The following FYN variants were observed in gnomAD, a reference collection of about 807,000 sequenced individuals.
FYN encodes tyrosine-protein kinase Fyn.
In FYN, 10 loss-of-function variants were observed where a neutral mutation model predicts 70.2. The observed-to-expected ratio is 0.14, with a 90% CI of 0.09 to 0.24. The LOEUF (loss-of-function observed/expected upper bound fraction) is 0.24, where lower values mean the gene tolerates loss of function less well. Ranked by LOEUF, FYN falls within the 10% of genes least tolerant of loss-of-function variation. The pLI is 1.00. For missense variants in FYN, 319 were observed against 673.1 expected, an observed-to-expected ratio of 0.47 and a Z score of 5.82; for synonymous variants, 236 against 248.6, an observed-to-expected ratio of 0.95 and a Z score of 0.48.
Position 111,694,285 on chromosome 6 carries a change from G to C in FYN, c.1273+90C>G. The stretch of plus-strand genomic sequence containing the variant: ...AATGACATTTCAAGTATTTTCTGAA[G>C]GAAGGGAAGGGAAGGAGGAAGGAAG... On this transcript the variant is annotated intron_variant, in intron 12 of 13. Transcript: ENST00000354650. This position sits in a 1 kb window ranked among gnomAD's most constrained non-coding sequence, Gnocchi z 5.0. The C allele has an allele frequency of 2.0e-6, 3 of 1,471,306 alleles. No homozygotes were observed. Among genetic ancestry groups the C allele is most frequent in the Non-Finnish European group, 2.8e-6 (3 of 1,070,144 alleles). 91.1% of individuals were successfully genotyped at this position (1,471,306 alleles called of 1,614,324 possible).
At chr6:111,848,790 T>C (rs1198057925) in intron 1 of FYN, among the ~76,000 whole-genome samples, 1 of 152,336 alleles carries the variant, frequency 6.6e-6, no homozygotes, top group African/African-American at 2.4e-5. Flanking sequence ...TTCTGAAAAG[T>C]TGAGAAAAAG....
Position 111,693,375 on chromosome 6 carries a change from T to C in FYN, c.1273+1000A>G, listed in dbSNP as rs76508086. ...AGGCTTTGGTTAGAAACACCAACAA[T>C]GAAAGTTCCCCCTTGCCCCAGCTAT... On this transcript the variant is annotated intron_variant, in intron 12 of 13. Transcript: ENST00000354650. 3.1e-3 allele frequency among the ~76,000 whole-genome samples: 473 copies of C among 152,178 alleles called. 1 individual carries two copies. The highest frequency in any genetic ancestry group is 0.011 in the African/African-American group (450 of 41,516).
intron 2 of FYN, among the ~76,000 whole-genome samples, chr6:111,807,832 G>A (rs1440454441): frequency 2.0e-5 from 3 of 152,236 alleles, no homozygotes; most frequent in South Asian, 4.1e-4. Context: ...GGTCAGGGCC[G>A]GATGTGGTGG....
At position 111,778,115 on chromosome 6, in the gene FYN, A is replaced by G. The variant is rs181683225; in HGVS notation, c.-12+2451T>C. On this transcript the variant is annotated intron_variant, in intron 3 of 13. Transcript: ENST00000354650. ...GCCAGACCTGTGGGGCAGCGTGTCTAATGCTGGCCTAGGTGCACAGGAGAG... is the reference window on the plus strand; with the variant it reads ...GCCAGACCTGTGGGGCAGCGTGTCTGATGCTGGCCTAGGTGCACAGGAGAG... 2.6e-5 allele frequency among the ~76,000 whole-genome samples: 4 copies of G among 152,306 alleles called. No homozygotes were observed. The East Asian group carries it at 7.7e-4, about 29-fold the overall frequency.
chr6:111,771,863 G>C (rs1803465891), intron 3 of FYN, among the ~76,000 whole-genome samples: 1 of 152,154 alleles, frequency 6.6e-6, no homozygotes, highest in Non-Finnish European at 1.5e-5. Context: ...TCTCCTGGCT[G>C]ACTTTCCTTG....
chr6:111,847,660 C>T (rs936852324), intron 1 of FYN, among the ~76,000 whole-genome samples: 5 of 152,090 alleles, frequency 3.3e-5, no homozygotes, highest in African/African-American at 7.2e-5. Flanking sequence ...AAACCATCCC[C>T]CACCACACAC....
chr6:111,812,604 CTTTTTTTTT>C (rs369326017), intron 2 of FYN, among the ~76,000 whole-genome samples: 9 of 101,284 alleles, frequency 8.9e-5, no homozygotes, highest in South Asian at 3.6e-4. Context: ...AGAAATTTTC[CTTTTTTTTT>C]TTTTTTTTTT....
In FYN at chr6:111,871,436, G is replaced by A. The variant is rs554625712; in HGVS notation, c.-123+1532C>T. On this transcript the variant is annotated intron_variant, in intron 1 of 13. Transcript: ENST00000354650. The stretch of plus-strand genomic sequence containing the variant: ...TTGGGTGGTGAGAAAGGAAGTAGGC[G>A]TCCCAAGACTACCTTGAAGCAGGCA... 2.6e-5 allele frequency among the ~76,000 whole-genome samples: 4 copies of A among 152,306 alleles called. No individual in the cohort carries two copies. The South Asian group carries it at 6.2e-4, about 24-fold the overall frequency.
chr6:111,773,844 C>T (rs556398992), intron 3 of FYN, among the ~76,000 whole-genome samples: 1 of 152,234 alleles, frequency 6.6e-6, no homozygotes, highest in East Asian at 1.9e-4. Context: ...ATTGTGTGCT[C>T]ATCAAACTGA....
chr6:111,740,541 C>A (rs1477805295), intron 3 of FYN, among the ~76,000 whole-genome samples: 2 of 152,186 alleles, frequency 1.3e-5, no homozygotes, highest in Non-Finnish European at 2.9e-5. Flanking sequence ...CTATGACAGT[C>A]AGAGTCATCT....
At position 111,765,507 on chromosome 6, in the gene FYN, T is replaced by C. The variant is rs562988247; in HGVS notation, c.-12+15059A>G. 2.6e-5 allele frequency among the ~76,000 whole-genome samples: 4 copies of C among 152,294 alleles called. No homozygotes were observed. In the South Asian group the frequency reaches 8.3e-4, roughly 32 times the overall value. On this transcript the variant is annotated intron_variant, in intron 3 of 13. Coordinates refer to ENST00000354650, the MANE Select transcript of FYN (RefSeq NM_002037.5). ...ACTTGGACTTTCAGTCTCCAGACTA[T>C]GAGAAAATATGATTCTGTTGTTGAA...
intron 3 of FYN, among the ~76,000 whole-genome samples, chr6:111,740,434 G>A (rs1160219226): frequency 6.6e-6 from 1 of 152,182 alleles, no homozygotes; most frequent in Non-Finnish European, 1.5e-5. Flanking sequence ...AATCCTGAAA[G>A]ATATTAATGA....
intron 12 of FYN, among the ~76,000 whole-genome samples, chr6:111,684,779 G>C (rs1798921419): frequency 6.6e-6 from 1 of 152,146 alleles, no homozygotes; most frequent in Admixed American, 6.5e-5. Flanking sequence ...TGGGTATTTA[G>C]TCCTTTTAAG....
intron 13 of FYN, among the ~76,000 whole-genome samples, chr6:111,663,383 T>C (rs1052664838): frequency 2.0e-5 from 3 of 152,226 alleles, no homozygotes; most frequent in Non-Finnish European, 4.4e-5. Context: ...CCAGAGGCGC[T>C]GGGCCAGAGC....
chr6:111,667,057 C>T (rs1798042136), intron 13 of FYN, among the ~76,000 whole-genome samples: 1 of 152,154 alleles, frequency 6.6e-6, no homozygotes, highest in Non-Finnish European at 1.5e-5. Context: ...TGCTGGCTTC[C>T]TCCAGCAAAC....
At chr6:111,845,306 T>C (rs1465466840) in intron 2 of FYN, among the ~76,000 whole-genome samples, 2 of 152,246 alleles carry the variant, frequency 1.3e-5, no homozygotes, top group South Asian at 4.1e-4. Flanking sequence ...TGACCTCCCA[T>C]AGGCGACAGT....
chr6:111,678,197 C>CTA (rs1389611219), intron 12 of FYN, among the ~76,000 whole-genome samples: 1 of 148,734 alleles, frequency 6.7e-6, no homozygotes, highest in African/African-American at 2.5e-5. Context: ...TTTCCAGGTA[C>CTA]TATTTGCAAA....
chr6:111,766,711 C>T (rs1372592094), intron 3 of FYN, among the ~76,000 whole-genome samples: 1 of 152,112 alleles, frequency 6.6e-6, no homozygotes, highest in Non-Finnish European at 1.5e-5. Context: ...GGGAAAAGCC[C>T]CTTATAAAAC....
intron 3 of FYN, among the ~76,000 whole-genome samples, chr6:111,746,642 C>T (rs948627770): frequency 1.2e-4 from 18 of 152,168 alleles, no homozygotes; most frequent in African/African-American, 4.1e-4. Context: ...AAGTATGCAA[C>T]TGCCTACTCA....
Sources: gnomAD v4.1 joint callset for allele counts (sites outside exome capture counted in the v4.1 genomes callset) on GRCh38, gnomAD v4.1.1 for gene constraint, Gnocchi (gnomAD v3.1) non-coding constraint, MANE v1.5 for transcripts, NCBI Gene and HGNC (gene_info 2026-07-23, HGNC 2026-07-21) for gene names.